SLC4A4: variants seen among roughly 807,000 people sequenced by gnomAD.
The protein encoded by SLC4A4 is electrogenic sodium bicarbonate cotransporter 1.
A neutral mutation model predicts 111.5 loss-of-function variants in SLC4A4; 27 were observed. The ratio of observed to expected loss-of-function variants is 0.24; its 90% confidence interval spans 0.18 to 0.33. The LOEUF (loss-of-function observed/expected upper bound fraction) is 0.33, where lower values mean the gene tolerates loss of function less well. Among genes scored for constraint, SLC4A4 ranks in the 10% least tolerant of loss-of-function variants. The probability of loss-of-function intolerance (pLI) is 1.00; values close to 1 mark genes in which losing one functional copy is unlikely to be tolerated. For missense variants in SLC4A4, 909 were observed against 1,315.5 expected (o/e 0.69, Z 4.78); for synonymous variants, 443 against 463.4 (o/e 0.96, Z 0.57).
chr4:71,479,802 A>G (rs1163345172), intron 14 of SLC4A4, among the ~76,000 whole-genome samples: 1 of 151,780 alleles, frequency 6.6e-6, no homozygotes, highest in East Asian at 2.0e-4. Flanking sequence ...GTTTGCTTTT[A>G]CTGTCTTAAC....
intron 2 of SLC4A4, among the ~76,000 whole-genome samples, chr4:71,120,973 C>T (rs928221499): frequency 2.0e-5 from 3 of 152,328 alleles, no homozygotes; most frequent in African/African-American, 7.2e-5. Context: ...CCCTCGCGGG[C>T]CAGCACGAGT....
At chr4:71,419,698 C>T (rs1033475743) in intron 7 of SLC4A4, among the ~76,000 whole-genome samples, 6 of 152,212 alleles carry the variant, frequency 3.9e-5, no homozygotes, top group African/African-American at 1.4e-4. Context: ...GTGCGCTGCA[C>T]CTACTGACCT....
intron 15 of SLC4A4, among the ~76,000 whole-genome samples, chr4:71,494,700 T>G (rs535887224): frequency 6.6e-6 from 1 of 151,982 alleles, no homozygotes. Context: ...ACCATAGAGA[T>G]GTGAGAACCA....
At chr4:71,154,419 A>T (rs1234863599) in intron 2 of SLC4A4, among the ~76,000 whole-genome samples, 2 of 152,172 alleles carry the variant, frequency 1.3e-5, no homozygotes, top group Non-Finnish European at 2.9e-5. Flanking sequence ...TGTGGGATAC[A>T]CAGCATAAGA....
At chr4:71,128,511 A>G (rs934579251) in intron 2 of SLC4A4, among the ~76,000 whole-genome samples, 5 of 152,028 alleles carry the variant, frequency 3.3e-5, no homozygotes, top group African/African-American at 7.2e-5. Flanking sequence ...TTTTCCTAAG[A>G]TGGGTCTCAC....
At chr4:71,150,864 G>T (rs115965827) in intron 2 of SLC4A4, among the ~76,000 whole-genome samples, 2 of 152,178 alleles carry the variant, frequency 1.3e-5, no homozygotes, top group African/African-American at 2.4e-5. Flanking sequence ...GCGCTCAAAG[G>T]TCTGGAATCT....
At chr4:71,415,855 A>G (rs1206570492) in intron 7 of SLC4A4, among the ~76,000 whole-genome samples, 1 of 152,180 alleles carries the variant, frequency 6.6e-6, no homozygotes, top group East Asian at 1.9e-4. Flanking sequence ...TCCTCCATTT[A>G]ACATATTTAT....
chr4:71,253,832 C>G (rs1187780639), intron 2 of SLC4A4, among the ~76,000 whole-genome samples: 1 of 152,252 alleles, frequency 6.6e-6, no homozygotes, highest in African/African-American at 2.4e-5. Flanking sequence ...GAAGGAGGTC[C>G]TGCTTTATGT....
At chr4:71,368,426 C>T (rs1356748279) in intron 6 of SLC4A4, among the ~76,000 whole-genome samples, 2 of 152,146 alleles carry the variant, frequency 1.3e-5, no homozygotes, top group African/African-American at 4.8e-5. Flanking sequence ...ATTAATTTAT[C>T]CCTACCCCAG....
At chr4:71,453,778 T>C (rs993575863) in intron 12 of SLC4A4, 109 bp downstream of exon 12, 19 of 1,008,128 alleles carry the variant, frequency 1.9e-5, no homozygotes, top group Non-Finnish European at 3.0e-5. Flanking sequence ...CGTGATTTTC[T>C]TTCTTTTGCT....
At chr4:71,269,735 A>G (rs1578719406) in intron 3 of SLC4A4, among the ~76,000 whole-genome samples, 1 of 152,168 alleles carries the variant, frequency 6.6e-6, no homozygotes, top group African/African-American at 2.4e-5. Context: ...TGCCAGTGTT[A>G]TTTTTCCCAT....
intron 11 of SLC4A4, 72 bp from the exon 12 acceptor site, chr4:71,453,423 T>G (rs1725944308): frequency 1.4e-6 from 2 of 1,406,634 alleles, no homozygotes; most frequent in Non-Finnish European, 2.0e-6. Context: ...TTTGATTTAA[T>G]GAGTTACCTC....
chr4:71,427,708 G>C (rs1723271086), intron 7 of SLC4A4, among the ~76,000 whole-genome samples: 1 of 152,012 alleles, frequency 6.6e-6, no homozygotes, highest in African/African-American at 2.4e-5. Context: ...CTTTTGGCTG[G>C]CATTTGGGTT....
intron 2 of SLC4A4, among the ~76,000 whole-genome samples, chr4:71,100,912 G>C (rs1309358231): frequency 1.3e-5 from 2 of 152,178 alleles, no homozygotes; most frequent in African/African-American, 4.8e-5. Context: ...TCTGCAATGA[G>C]AATTACAAAA....
chr4:71,065,669 G>A (rs942842567), intron 1 of SLC4A4, among the ~76,000 whole-genome samples: 5 of 152,104 alleles, frequency 3.3e-5, no homozygotes, highest in African/African-American at 1.2e-4. Context: ...TCTTGCTTCT[G>A]GGACTTTGCG....
intron 2 of SLC4A4, among the ~76,000 whole-genome samples, chr4:71,178,866 C>A (rs1349211579): frequency 6.6e-6 from 1 of 152,196 alleles, no homozygotes; most frequent in East Asian, 1.9e-4. Flanking sequence ...AGGCCAGCAG[C>A]ATCCTGATAC....
At chr4:71,426,939 AG>A (rs1723198634) in intron 7 of SLC4A4, among the ~76,000 whole-genome samples, 1 of 152,084 alleles carries the variant, frequency 6.6e-6, no homozygotes, top group Non-Finnish European at 1.5e-5. Context: ...TTCCCCACCA[AG>A]GGAGTGCTAC....
chr4:71,161,719 G>A (rs1744620358), intron 2 of SLC4A4, among the ~76,000 whole-genome samples: 1 of 152,124 alleles, frequency 6.6e-6, no homozygotes, highest in Non-Finnish European at 1.5e-5. Flanking sequence ...AACAGTGTAG[G>A]AGCCTGGCAG....
upstream of SLC4A4, among the ~76,000 whole-genome samples, chr4:71,184,983 C>T (rs1263209576): frequency 6.6e-6 from 1 of 152,150 alleles, no homozygotes; most frequent in Non-Finnish European, 1.5e-5. Context: ...CATACCAAAT[C>T]TCACCTCTAT....
Sources: allele counts gnomAD v4.1 joint callset (sites outside exome capture counted in the v4.1 genomes callset), GRCh38; gene constraint gnomAD v4.1.1; transcripts MANE v1.5; gene names NCBI Gene and HGNC (gene_info 2026-07-23, HGNC 2026-07-21).